POM121: variants seen among roughly 807,000 people sequenced by gnomAD.
The protein encoded by POM121 is POM121 transmembrane nucleoporin.
POM121 carries 32 observed loss-of-function variants against 81.3 expected under a neutral mutation model. The ratio of observed to expected loss-of-function variants is 0.39; its 90% CI spans 0.30 to 0.53. POM121 has a LOEUF of 0.53. POM121 is among the 20% of genes least tolerant of loss of function. POM121 has a pLI of 0.66. For synonymous variants in POM121, 514 were observed against 694.2 expected (o/e 0.74, Z 4.08); for missense variants, 1,138 against 1,614.6 (o/e 0.70, Z 5.06).
intron 3 of POM121, among the ~76,000 whole-genome samples, chr7:72,910,427 G>A (rs1164229052): frequency 2.0e-5 from 3 of 152,086 alleles, no homozygotes; most frequent in Non-Finnish European, 4.4e-5. Flanking sequence ...TGGGTGGGAC[G>A]GGGAACGGGA....
At chr7:72,937,822 T>G (rs1476355569) in intron 5 of POM121, among the ~76,000 whole-genome samples, 9 of 149,618 alleles carry the variant, frequency 6.0e-5, no homozygotes, top group African/African-American at 2.3e-4. Flanking sequence ...TGTCAAGAAC[T>G]CACCTGGTGG....
chr7:72,937,173 T>G (rs1796590680), intron 5 of POM121, among the ~76,000 whole-genome samples: 1 of 151,624 alleles, frequency 6.6e-6, no homozygotes, highest in Admixed American at 6.6e-5. Context: ...GAGAATCGCT[T>G]GAACCAGGGA....
chr7:72,949,835 G>C (rs781891111), downstream of POM121: 15 of 1,429,372 alleles, frequency 1.0e-5, no homozygotes, highest in African/African-American at 4.3e-5. Flanking sequence ...TCCTCCTCCT[G>C]TGGCACTCAC....
At position 72,926,404 on chromosome 7, in the gene POM121, A is replaced by C; in HGVS notation, c.787A>C (p.Asn263His). Residue 263 changes from asparagine (N) to histidine (H), a missense_variant, in exon 2 of 13, where the codon AAC becomes CAC. By Grantham distance (68) the Asn-to-His change is moderately conservative. Coordinates refer to ENST00000434423, the MANE Select transcript of POM121 (RefSeq NM_001387691.1). ...CAAGAAGGCTGTGCTGTCCCCTCGC[A>C]ACTCCAGGATGGTGTGTAGCCCAGT... is the stretch of plus-strand genomic sequence containing the variant. ...YHKKAVLSPRNSRMVCSPVTV... is the reference protein window; with the variant it reads ...YHKKAVLSPRHSRMVCSPVTV... 1 of 1,613,986 alleles carries C rather than the reference A, an allele frequency of 6.2e-7. No homozygotes were observed. Among genetic ancestry groups the C allele is most frequent in the South Asian group, 1.1e-5 (1 of 91,076 alleles).
chr7:72,925,129 C>T lies in POM121; in HGVS notation c.8C>T (p.Pro3Leu), dbSNP rs1795239930. ...CCGCGGCGCGGAGCCGCGATGTCTC[C>T]GGCGGCTGCGGCGGCTGGAGCAGGC... MS[P>L]AAAAAGAGER... is the part of the protein sequence containing the mutation. Residue 3 changes from proline to leucine, a missense_variant, in exon 1 of 13, where the codon CCG (proline) becomes CTG (leucine). Physicochemically the swap from Pro to Leu is moderately conservative, Grantham distance 98. Coordinates refer to ENST00000434423, the MANE Select transcript of POM121 (RefSeq NM_001387691.1). 1.4e-6 allele frequency: 2 copies of T among 1,420,654 alleles called. No individual in the cohort carries two copies. The highest frequency in any genetic ancestry group is 1.8e-6 in the Non-Finnish European group (2 of 1,098,708). 88.0% of individuals were successfully genotyped at this position (1,420,654 alleles called of 1,614,324 possible).
At chr7:72,924,529 G>A (rs1253693369), upstream of POM121, 1 of 152,198 alleles carries the variant, frequency 6.6e-6, no homozygotes, top group East Asian at 1.9e-4. Flanking sequence ...CTACAAAAAA[G>A]CCTATAACCA....
chr7:72,918,720 C>T (rs117758051), intron 4 of POM121, among the ~76,000 whole-genome samples: 4,820 of 152,144 alleles, frequency 0.032, 129 homozygotes, highest in Middle Eastern at 0.061. Context: ...GGTCTTCTCT[C>T]GTTGGCTTGC....
At position 72,926,871 on chromosome 7, in the gene POM121, G is replaced by C. The variant is rs375816974; in HGVS notation, c.930G>C (p.Glu310Asp). The change falls in exon 3 of 13, where the codon GAG becomes GAC. Residue 310 changes from glutamate to aspartate, a missense_variant. Transcript: ENST00000434423. ...SSNAPDPCAK[E>D]TVLSALKEKE... is the part of the protein sequence containing the mutation. ...ACGCCCCAGACCCATGTGCAAAGGA[G>C]ACAGTACTGAGTGCCCTCAAAGAGA... 6.2e-6 allele frequency: 10 copies of C among 1,613,872 alleles called. No homozygotes were observed. In the African/African-American group the frequency reaches 1.3e-4, roughly 22 times the overall value.
chr7:72,883,068 C>G (rs1205704086), intron 1 of POM121, among the ~76,000 whole-genome samples: 1 of 152,064 alleles, frequency 6.6e-6, no homozygotes, highest in African/African-American at 2.4e-5. Flanking sequence ...GAGATAGGGT[C>G]TTGCTCTGTC....
At chr7:72,911,453 G>A (rs1465838210) in intron 3 of POM121, among the ~76,000 whole-genome samples, 2 of 152,154 alleles carry the variant, frequency 1.3e-5, no homozygotes, top group East Asian at 1.9e-4. Context: ...TTTTGCTTCC[G>A]TGTGATGAAA....
At chr7:72,908,940 A>G (rs1793545314) in intron 3 of POM121, among the ~76,000 whole-genome samples, 1 of 152,218 alleles carries the variant, frequency 6.6e-6, no homozygotes, top group East Asian at 1.9e-4. Flanking sequence ...CTGAGGCGAC[A>G]TACATCCTCA....
rs573591969 is a variant in POM121, at chr7:72,946,013, C to T, written c.3653-124C>T. On this transcript the variant is annotated intron_variant, in intron 12 of 12. Coordinates refer to ENST00000434423, the MANE Select transcript of POM121 (RefSeq NM_001387691.1). ...CTCCCGTACAGTGTTTCTGATGCAG[C>T]GGGGAAAGCCCTATTGAGGCACCCT... 59 of 1,453,544 alleles carry T rather than the reference C, an allele frequency of 4.1e-5. 1 individual carries two copies. The South Asian group carries it at 6.8e-4, about 17-fold the overall frequency. 90.0% of individuals were successfully genotyped at this position (1,453,544 alleles called of 1,614,324 possible).
rs1796759806 is a variant in POM121, at chr7:72,938,678, T to G, written c.1364T>G (p.Ile455Arg). 1 of 1,613,336 alleles carries G rather than the reference T, an allele frequency of 6.2e-7. No individual in the cohort carries two copies. The highest frequency in any genetic ancestry group is 1.3e-5 in the African/African-American group (1 of 74,854). ...ACACCGGAGAGGCCAGCAAAGAAAA[T>G]AAGGTACTTGGCATTCTCCTGCAGT... is the stretch of plus-strand genomic sequence containing the variant. ...SQTPERPAKKIREEELCHHSS... is the reference protein window; with the variant it reads ...SQTPERPAKKRREEELCHHSS... Residue 455 changes from isoleucine (I) to arginine (R), a missense_variant, in exon 6 of 13, where the codon ATA becomes AGA. Around this residue, in one of 7 missense-constraint regions of POM121, gnomAD observed 646 missense variants for 633.5 expected, o/e 1.02. Coordinates refer to ENST00000434423, the MANE Select transcript of POM121 (RefSeq NM_001387691.1).
At chr7:72,922,152 G>A (rs1554496062), upstream of POM121, among the ~76,000 whole-genome samples, 1 of 152,088 alleles carries the variant, frequency 6.6e-6, no homozygotes, top group African/African-American at 2.4e-5. Context: ...AAATGTATAT[G>A]TGTATGTATA....
chr7:72,902,436 T>C (rs1792774351), intron 3 of POM121, among the ~76,000 whole-genome samples: 1 of 151,692 alleles, frequency 6.6e-6, no homozygotes. Flanking sequence ...CTAATTTTTG[T>C]ATACTTTTCA....
At chr7:72,907,837 C>G (rs1793416385) in intron 3 of POM121, among the ~76,000 whole-genome samples, 2 of 152,136 alleles carry the variant, frequency 1.3e-5, no homozygotes, top group South Asian at 4.1e-4. Context: ...GGGCACTGCA[C>G]TCTTTCCTCT....
chr7:72,943,680 G>A (rs62463430), intron 11 of POM121, among the ~76,000 whole-genome samples, 158 bp downstream of exon 11: 17,026 of 150,914 alleles, frequency 0.11, 682 homozygotes, highest in East Asian at 0.27. Flanking sequence ...TTTTGCTAAC[G>A]TAGTAATGAC....
At chr7:72,919,001 G>C (rs1273523599) in intron 4 of POM121, among the ~76,000 whole-genome samples, 2 of 152,038 alleles carry the variant, frequency 1.3e-5, no homozygotes, top group Non-Finnish European at 2.9e-5. Flanking sequence ...GGGTTTCACC[G>C]TGTTAACCAG....
chr7:72,929,676 G>A (rs1586157692), intron 4 of POM121, among the ~76,000 whole-genome samples: 1 of 152,164 alleles, frequency 6.6e-6, no homozygotes, highest in East Asian at 1.9e-4. Context: ...CTGTTCCCAG[G>A]CATCCACTGA....
Sources: gnomAD v4.1 joint callset for allele counts (sites outside exome capture counted in the v4.1 genomes callset) on GRCh38, gnomAD v4.1.1 for gene constraint, gnomAD v4.1.1 regional missense constraint, MANE v1.5 for transcripts, NCBI Gene and HGNC (gene_info 2026-07-23, HGNC 2026-07-21) for gene names.